The following TAF3 variants were observed in gnomAD, a reference collection of about 807,000 sequenced individuals.
The protein encoded by TAF3 is transcription initiation factor TFIID subunit 3.
A neutral mutation model predicts 80.6 loss-of-function variants in TAF3; 7 were observed. The observed-to-expected ratio is 0.09, with a 90% CI of 0.05 to 0.16. The LOEUF (loss-of-function observed/expected upper bound fraction) is 0.16, where lower values mean the gene tolerates loss of function less well. TAF3 is among the 10% of genes least tolerant of loss of function. TAF3 has a pLI of 1.00. For missense variants in TAF3, 921 were observed against 1,140.2 expected, an observed-to-expected ratio of 0.81 and a Z score of 2.77; for synonymous variants, 444 against 446.1, an observed-to-expected ratio of 1.00 and a Z score of 0.06.
chr10:7,841,218 A>G lies in TAF3; in HGVS notation c.409+16658A>G, dbSNP rs186029606. Among the ~76,000 whole-genome samples, 242 of 152,264 alleles carry G rather than the reference A, an allele frequency of 1.6e-3. 2 individuals are homozygous for G. The highest frequency in any genetic ancestry group is 5.5e-3 in the African/African-American group (230 of 41,546). On this transcript the variant is annotated intron_variant, in intron 2 of 6. Coordinates refer to ENST00000344293, the MANE Select transcript of TAF3 (RefSeq NM_031923.4). ...CTTCTTTTACGGTGGTTATATACTG[A>G]TGGTGTGCCATTGGTGCCAAAAGTA...
At chr10:7,872,233 T>TTTC (rs1554778958) in intron 2 of TAF3, among the ~76,000 whole-genome samples, 9 of 132,596 alleles carry the variant, frequency 6.8e-5, no homozygotes, top group South Asian at 2.4e-4. Flanking sequence ...TTTTTTTTTT[T>TTTC]CTTTCTTTCC....
chr10:7,962,982 GA>G (rs1375978799), intron 2 of TAF3, among the ~76,000 whole-genome samples: 1 of 152,134 alleles, frequency 6.6e-6, no homozygotes, highest in Non-Finnish European at 1.5e-5. Flanking sequence ...GCTCCTTTTT[GA>G]AAGATTAGGA....
intron 2 of TAF3, among the ~76,000 whole-genome samples, chr10:7,939,618 A>G (rs985645206): frequency 7.3e-6 from 1 of 137,672 alleles, no homozygotes; most frequent in Non-Finnish European, 1.6e-5. Flanking sequence ...ACACACACAC[A>G]CACCTCTACC....
chr10:7,856,116 G>A (rs1837076721), intron 2 of TAF3, among the ~76,000 whole-genome samples: 1 of 152,086 alleles, frequency 6.6e-6, no homozygotes, highest in Non-Finnish European at 1.5e-5. Context: ...GGGAAATCAT[G>A]GCAGCAGAAA....
At chr10:7,842,737 A>G (rs1219482566) in intron 2 of TAF3, among the ~76,000 whole-genome samples, 1 of 152,154 alleles carries the variant, frequency 6.6e-6, no homozygotes, top group Non-Finnish European at 1.5e-5. Flanking sequence ...CCAAGCCCAA[A>G]TTCCATCATT....
At chr10:7,836,504 C>G (rs570059763) in intron 2 of TAF3, among the ~76,000 whole-genome samples, 1 of 152,072 alleles carries the variant, frequency 6.6e-6, no homozygotes, top group South Asian at 2.1e-4. Flanking sequence ...GAACTCCCGA[C>G]CTTGGGTGAT....
intron 4 of TAF3, among the ~76,000 whole-genome samples, chr10:7,988,457 AG>A (rs1831799104): frequency 6.6e-6 from 1 of 151,194 alleles, no homozygotes. Context: ...CTGTTATCCC[AG>A]CTACTCAGGA....
intron 3 of TAF3, among the ~76,000 whole-genome samples, chr10:7,976,282 TG>T (rs1831672072): frequency 6.6e-6 from 1 of 151,790 alleles, no homozygotes; most frequent in Non-Finnish European, 1.5e-5. Context: ...AGTCTTGCTC[TG>T]TCACCCAGGG....
intron 4 of TAF3, among the ~76,000 whole-genome samples, chr10:8,006,221 CACAA>C (rs546284971): frequency 1.3e-4 from 17 of 131,192 alleles, no homozygotes; most frequent in South Asian, 2.5e-4. Flanking sequence ...CACACACACA[CACAA>C]ATTAGCTGGG....
intron 2 of TAF3, among the ~76,000 whole-genome samples, chr10:7,963,032 T>C (rs1287049922): frequency 6.6e-6 from 1 of 152,190 alleles, no homozygotes; most frequent in African/African-American, 2.4e-5. Context: ...CTAAGGCTGG[T>C]TGCTCTCTAG....
intron 3 of TAF3, among the ~76,000 whole-genome samples, chr10:7,976,676 A>G (rs1204100154): frequency 6.6e-6 from 1 of 152,210 alleles, no homozygotes; most frequent in Non-Finnish European, 1.5e-5. Context: ...TGCTGAGATT[A>G]CAGACATGAG....
intron 2 of TAF3, among the ~76,000 whole-genome samples, chr10:7,963,076 G>A (rs1564372130): frequency 6.6e-6 from 1 of 152,142 alleles, no homozygotes; most frequent in Non-Finnish European, 1.5e-5. Flanking sequence ...CATTTGTCAA[G>A]TGCCTAAACC....
intron 2 of TAF3, among the ~76,000 whole-genome samples, chr10:7,889,938 C>T (rs1455922233): frequency 1.3e-5 from 2 of 152,218 alleles, no homozygotes; most frequent in Non-Finnish European, 2.9e-5. Context: ...CTTCCAGTGT[C>T]GTTTTCCTCC....
chr10:7,918,845 T>A (rs956849604), intron 2 of TAF3, among the ~76,000 whole-genome samples: 5 of 152,092 alleles, frequency 3.3e-5, no homozygotes, highest in African/African-American at 1.2e-4. Flanking sequence ...TTCCAAGATG[T>A]TTACTGCAAG....
chr10:7,925,958 A>G (rs1289432616), intron 2 of TAF3, among the ~76,000 whole-genome samples: 1 of 152,204 alleles, frequency 6.6e-6, no homozygotes, highest in East Asian at 1.9e-4. Flanking sequence ...TCATGCCTGT[A>G]ATCCTAGCAC....
At chr10:7,908,193 A>G (rs1837623426) in intron 2 of TAF3, among the ~76,000 whole-genome samples, 1 of 152,170 alleles carries the variant, frequency 6.6e-6, no homozygotes, top group Non-Finnish European at 1.5e-5. Context: ...TCACAAACTC[A>G]GATGCCTTCC....
At chr10:7,837,694 G>C (rs919198823) in intron 2 of TAF3, among the ~76,000 whole-genome samples, 5 of 152,078 alleles carry the variant, frequency 3.3e-5, no homozygotes, top group African/African-American at 1.2e-4. Flanking sequence ...GTAAGCCTGA[G>C]AGGCTGAGGT....
At chr10:7,908,893 C>G (rs1365798148) in intron 2 of TAF3, among the ~76,000 whole-genome samples, 1 of 152,248 alleles carries the variant, frequency 6.6e-6, no homozygotes, top group Non-Finnish European at 1.5e-5. Flanking sequence ...GGGCCCAGCC[C>G]CAGAGGTTCT....
chr10:7,975,729 C>T (rs1831666147), intron 3 of TAF3, among the ~76,000 whole-genome samples: 1 of 152,156 alleles, frequency 6.6e-6, no homozygotes, highest in African/African-American at 2.4e-5. Context: ...TAGGAAGAGA[C>T]AGATAAATAC....
Sources: allele counts gnomAD v4.1 joint callset (sites outside exome capture counted in the v4.1 genomes callset), GRCh38; gene constraint gnomAD v4.1.1; transcripts MANE v1.5; gene names NCBI Gene and HGNC (gene_info 2026-07-23, HGNC 2026-07-21).